Variants in GNAQ observed in about 807,000 individuals in gnomAD.
GNAQ encodes guanine nucleotide-binding protein G(q) subunit alpha.
GNAQ carries 8 observed loss-of-function variants against 43.9 expected under a neutral mutation model. That is an observed-to-expected ratio of 0.18 (90% CI 0.11 to 0.33). The LOEUF (loss-of-function observed/expected upper bound fraction) is 0.33, where lower values mean the gene tolerates loss of function less well. Among genes scored for constraint, GNAQ ranks in the 10% least tolerant of loss-of-function variants. The probability of loss-of-function intolerance (pLI) is 1.00; values close to 1 mark genes in which losing one functional copy is unlikely to be tolerated. For missense variants in GNAQ, 158 were observed against 450.8 expected (o/e 0.35, Z 5.88); for synonymous variants, 155 against 170.7 (o/e 0.91, Z 0.71).
intron 3 of GNAQ, among the ~76,000 whole-genome samples, chr9:77,810,671 C>CAGTCTCTCTATTTTA (rs1826904825): frequency 6.6e-6 from 1 of 152,128 alleles, no homozygotes; most frequent in Non-Finnish European, 1.5e-5. Flanking sequence ...GTGCTTATAC[C>CAGTCTCTCTATTTTA]ATGGTCATTA....
intron 1 of GNAQ, among the ~76,000 whole-genome samples, chr9:77,997,962 A>G (rs1438049574): frequency 6.6e-6 from 1 of 152,194 alleles, no homozygotes; most frequent in Non-Finnish European, 1.5e-5. Flanking sequence ...AAGAACTGCT[A>G]TATTTCCTTA....
intron 1 of GNAQ, among the ~76,000 whole-genome samples, chr9:77,977,838 C>T (rs1277711221): frequency 1.3e-5 from 2 of 152,148 alleles, no homozygotes; most frequent in Non-Finnish European, 2.9e-5. Context: ...AGTTGAATAC[C>T]TGAATGGGAT....
chr9:77,794,657 T>G, intron 4 of GNAQ, 65 bp from the exon 5 acceptor site: 2 of 900,880 alleles, frequency 2.2e-6, no homozygotes, highest in African/African-American at 3.4e-5. Flanking sequence ...AACATAAATA[T>G]AGCACTACTT....
intron 1 of GNAQ, among the ~76,000 whole-genome samples, chr9:77,975,512 C>T (rs1823286582): frequency 6.7e-6 from 1 of 149,756 alleles, no homozygotes; most frequent in Non-Finnish European, 1.5e-5. Flanking sequence ...TCCCAAACTA[C>T]ACTTTTACTG....
intron 5 of GNAQ, among the ~76,000 whole-genome samples, chr9:77,760,133 C>T (rs1825970416): frequency 6.7e-6 from 1 of 149,898 alleles, no homozygotes; most frequent in Admixed American, 6.7e-5. Context: ...GTTTACAATT[C>T]GGGGTATTTA....
intron 1 of GNAQ, among the ~76,000 whole-genome samples, chr9:77,933,640 C>A (rs200302167): frequency 3.4e-5 from 5 of 147,712 alleles, no homozygotes; most frequent in Non-Finnish European, 3.0e-5. Flanking sequence ...GACCCTGTCT[C>A]AAAAAAAAAA....
intron 1 of GNAQ, among the ~76,000 whole-genome samples, chr9:77,932,107 A>T (rs986328014): frequency 3.3e-5 from 5 of 152,190 alleles, no homozygotes; most frequent in Non-Finnish European, 7.4e-5. Flanking sequence ...GGCACCTAAG[A>T]AGCTGCCTTT....
intron 1 of GNAQ, among the ~76,000 whole-genome samples, chr9:77,949,898 T>C (rs1016872723): frequency 2.0e-5 from 3 of 152,182 alleles, no homozygotes; most frequent in African/African-American, 7.2e-5. Context: ...GGTTTTTGTC[T>C]TGAATCCTTG....
Position 77,995,934 on chromosome 9 carries a change from G to A in GNAQ, c.136+35166C>T, listed in dbSNP as rs372553450. Among the ~76,000 whole-genome samples, 12 of 152,264 alleles carry A rather than the reference G, an allele frequency of 7.9e-5. No homozygotes were observed. In the East Asian group the frequency reaches 2.1e-3, roughly 27 times the overall value. On this transcript the variant is annotated intron_variant, in intron 1 of 6. Coordinates refer to ENST00000286548, the MANE Select transcript of GNAQ (RefSeq NM_002072.5). ...AAATTCTCTAGAAGTAAAAAACTAAGGAATACACAAAGCCAAGTCTTTGCC... is the reference window on the plus strand; with the variant it reads ...AAATTCTCTAGAAGTAAAAAACTAAAGAATACACAAAGCCAAGTCTTTGCC...
In GNAQ at chr9:78,008,868, C is replaced by A. The variant is rs142138203; in HGVS notation, c.136+22232G>T. On this transcript the variant is annotated intron_variant, in intron 1 of 6. Transcript: ENST00000286548. ...TCCTGACCTCGTGATCCGCCCACCTCGGCCTCCCAAAGTGTTGGGATTACA... is the reference window on the plus strand; with the variant it reads ...TCCTGACCTCGTGATCCGCCCACCTAGGCCTCCCAAAGTGTTGGGATTACA... Among the ~76,000 whole-genome samples, 1,066 of 152,316 alleles carry A rather than the reference C, an allele frequency of 7.0e-3. 19 individuals carry two copies. Among genetic ancestry groups the A allele is most frequent in the African/African-American group, 0.024 (990 of 41,574 alleles).
At chr9:78,029,468 T>TA (rs11322460) in intron 1 of GNAQ, among the ~76,000 whole-genome samples, 41 of 148,028 alleles carry the variant, frequency 2.8e-4, no homozygotes, top group African/African-American at 6.9e-4. Flanking sequence ...AAATGAGAAT[T>TA]AAAAAAAAAA....
intron 1 of GNAQ, among the ~76,000 whole-genome samples, chr9:77,994,043 G>C (rs921040274): frequency 1.3e-5 from 2 of 152,110 alleles, no homozygotes; most frequent in African/African-American, 4.8e-5. Flanking sequence ...TTGAGACAAG[G>C]TCTTACTCTG....
At chr9:77,964,723 G>A (rs1384431490) in intron 1 of GNAQ, among the ~76,000 whole-genome samples, 2 of 151,998 alleles carry the variant, frequency 1.3e-5, no homozygotes, top group Non-Finnish European at 2.9e-5. Context: ...AAATCAAATA[G>A]ATATTAGAAA....
chr9:77,877,799 T>C (rs1828147928), intron 2 of GNAQ, among the ~76,000 whole-genome samples: 2 of 152,216 alleles, frequency 1.3e-5, no homozygotes, highest in African/African-American at 4.8e-5. Context: ...CAGACCCATC[T>C]GCAATGCTCA....
At chr9:77,784,965 G>A (rs1826453988) in intron 5 of GNAQ, among the ~76,000 whole-genome samples, 1 of 152,208 alleles carries the variant, frequency 6.6e-6, no homozygotes, top group South Asian at 2.1e-4. Context: ...GGATCAAATA[G>A]AACACATACA....
chr9:77,957,986 T>G (rs933041732), intron 1 of GNAQ, among the ~76,000 whole-genome samples: 1 of 152,220 alleles, frequency 6.6e-6, no homozygotes, highest in African/African-American at 2.4e-5. Flanking sequence ...TACTATATTA[T>G]TCATCTATGG....
chr9:77,839,065 T>C (rs546578958), intron 2 of GNAQ, among the ~76,000 whole-genome samples: 49 of 152,328 alleles, frequency 3.2e-4, no homozygotes, highest in African/African-American at 1.2e-3. Context: ...GAACTGCCTC[T>C]TTCCCTTCCC....
chr9:77,907,657 G>A (rs967889905), intron 2 of GNAQ, among the ~76,000 whole-genome samples: 4 of 152,158 alleles, frequency 2.6e-5, no homozygotes, highest in African/African-American at 9.7e-5. Flanking sequence ...CAGTCAAGAA[G>A]GAGAAATCAA....
intron 5 of GNAQ, among the ~76,000 whole-genome samples, chr9:77,738,041 C>T (rs1035048029): frequency 3.3e-5 from 5 of 152,222 alleles, no homozygotes; most frequent in Admixed American, 2.6e-4. Flanking sequence ...CTCCAGGGCA[C>T]AAGTGAAGGC....
Sources: gnomAD v4.1 joint callset for allele counts (sites outside exome capture counted in the v4.1 genomes callset) on GRCh38, gnomAD v4.1.1 for gene constraint, MANE v1.5 for transcripts, NCBI Gene and HGNC (gene_info 2026-07-23, HGNC 2026-07-21) for gene names.